RHCE: variants seen among roughly 807,000 people sequenced by gnomAD.
The protein encoded by RHCE is blood group Rh(CE) polypeptide.
A neutral mutation model predicts 43.8 loss-of-function variants in RHCE; 22 were observed. That is an observed-to-expected ratio of 0.50 (90% confidence interval 0.36 to 0.72). RHCE has a LOEUF of 0.72. Ranked by LOEUF, RHCE falls within the 30% of genes least tolerant of loss-of-function variation. The pLI, the probability that RHCE is intolerant of heterozygous loss-of-function variation, is 0.00. For missense variants in RHCE, 385 were observed against 525.4 expected (o/e 0.73, Z 2.61); for synonymous variants, 156 against 210.7 (o/e 0.74, Z 2.25).
intron 3 of RHCE, among the ~76,000 whole-genome samples, chr1:25,392,602 G>T (rs1646412228): frequency 9.5e-6 from 1 of 105,680 alleles, no homozygotes. Context: ...ACAGAGTCTT[G>T]CTCCATTGCT....
intron 1 of RHCE, among the ~76,000 whole-genome samples, chr1:25,414,431 G>A (rs184210542): frequency 1.9e-4 from 29 of 152,172 alleles, no homozygotes; most frequent in Admixed American, 1.9e-3. Flanking sequence ...GACCACTGCA[G>A]CCTCAGGAGG....
At chr1:25,379,472 TATATATATATATATATATATA>T (rs1452978874) in intron 7 of RHCE, among the ~76,000 whole-genome samples, 5 of 7,146 alleles carry the variant, frequency 7.0e-4, no homozygotes, top group African/African-American at 3.6e-3. Context: ...TATATATATA[TATATATATATATATATATATA>T]TATTTTTTTT....
chr1:25,418,697 C>T (rs986937682), intron 1 of RHCE, among the ~76,000 whole-genome samples: 2 of 152,248 alleles, frequency 1.3e-5, no homozygotes, highest in Non-Finnish European at 2.9e-5. Flanking sequence ...CCACTGTGCC[C>T]TCACTTGGAT....
At chr1:25,424,385 T>A (rs2042789532), upstream of RHCE, among the ~76,000 whole-genome samples, 1 of 151,956 alleles carries the variant, frequency 6.6e-6, no homozygotes, top group Non-Finnish European at 1.5e-5. Flanking sequence ...TGACTGCCCT[T>A]TTTTGCTGTG....
chr1:25,403,530 T>C (rs1021149765), intron 2 of RHCE, among the ~76,000 whole-genome samples: 1 of 151,992 alleles, frequency 6.6e-6, no homozygotes, highest in Non-Finnish European at 1.5e-5. Flanking sequence ...TTGAAGGTTC[T>C]TATGATCCAA....
intron 5 of RHCE, among the ~76,000 whole-genome samples, chr1:25,389,911 C>G (rs1464227520): frequency 6.6e-6 from 1 of 152,110 alleles, no homozygotes; most frequent in African/African-American, 2.4e-5. Context: ...GAGCTGACAC[C>G]CACTCCTGCC....
intron 9 of RHCE, among the ~76,000 whole-genome samples, chr1:25,369,751 TTTTG>T: frequency 6.8e-6 from 1 of 147,160 alleles, no homozygotes; most frequent in South Asian, 2.2e-4. Flanking sequence ...TTTTTTTTTT[TTTTG>T]AGACAGAGTG....
upstream of RHCE, among the ~76,000 whole-genome samples, chr1:25,422,897 G>C (rs1375139919): frequency 3.3e-5 from 5 of 152,172 alleles, no homozygotes; most frequent in Non-Finnish European, 5.9e-5. Flanking sequence ...GTTCCCAATA[G>C]GGTTTGTGCC....
At chr1:25,368,749 A>T (rs1645508211) in intron 9 of RHCE, among the ~76,000 whole-genome samples, 1 of 149,848 alleles carries the variant, frequency 6.7e-6, no homozygotes, top group African/African-American at 2.5e-5. Context: ...ACAACACTTT[A>T]AATATGTACA....
At chr1:25,376,528 G>T (rs1365242454) in intron 7 of RHCE, among the ~76,000 whole-genome samples, 1 of 152,156 alleles carries the variant, frequency 6.6e-6, no homozygotes, top group African/African-American at 2.4e-5. Context: ...TTTACTGATT[G>T]TTCATTATAA....
chr1:25,411,393 G>A, intron 1 of RHCE: 2 of 1,550,462 alleles, frequency 1.3e-6, no homozygotes, highest in East Asian at 2.4e-5. Context: ...TCTCATTACT[G>A]GAACTCTCCA....
chr1:25,427,299 C>T (rs1050434831), intron 2 of RHCE, among the ~76,000 whole-genome samples: 12 of 152,182 alleles, frequency 7.9e-5, no homozygotes, highest in Non-Finnish European at 1.6e-4. Context: ...AAGTGCAAAT[C>T]CCTTCATCAG....
At chr1:25,397,611 C>A (rs577136352) in intron 3 of RHCE, among the ~76,000 whole-genome samples, 2 of 152,106 alleles carry the variant, frequency 1.3e-5, no homozygotes, top group African/African-American at 4.8e-5. Flanking sequence ...TTTCTTGCTG[C>A]GGTCTCAGCC....
upstream of RHCE, among the ~76,000 whole-genome samples, chr1:25,425,622 G>A (rs1421772577): frequency 6.6e-6 from 1 of 152,250 alleles, no homozygotes; most frequent in Non-Finnish European, 1.5e-5. Context: ...CCTGAGTTAC[G>A]GAAATGAAGC....
chr1:25,413,754 C>G (rs1647178594), intron 1 of RHCE, among the ~76,000 whole-genome samples: 1 of 152,252 alleles, frequency 6.6e-6, no homozygotes, highest in Non-Finnish European at 1.5e-5. Flanking sequence ...GATTTATTAT[C>G]CCCATTTTAG....
intron 8 of RHCE, among the ~76,000 whole-genome samples, chr1:25,372,975 G>T (rs941881357): frequency 4.0e-5 from 6 of 150,022 alleles, no homozygotes; most frequent in African/African-American, 1.5e-4. Context: ...GCTAATTTTT[G>T]TATCTTTTGT....
At position 25,368,641 on chromosome 1, in the gene RHCE, G is replaced by A. The variant is rs80355789; in HGVS notation, c.1227+1826C>T. 1.6e-4 allele frequency among the ~76,000 whole-genome samples: 24 copies of A among 150,584 alleles called. 2 individuals carry two copies. The highest frequency in any genetic ancestry group is 3.7e-4 in the African/African-American group (15 of 40,330). On this transcript the variant is annotated intron_variant, in intron 9 of 9. Coordinates refer to ENST00000294413, the MANE Select transcript of RHCE (RefSeq NM_020485.8). ...AAAATCTAGCCCCTTCTTTGGGGCC[G>A]AGAGAATTTTGAGCACTAGTCGTCT...
intron 1 of RHCE, among the ~76,000 whole-genome samples, chr1:25,416,993 G>A (rs1647570535): frequency 6.6e-6 from 1 of 150,520 alleles, no homozygotes; most frequent in Admixed American, 6.6e-5. Context: ...ATGACCCTAC[G>A]TGCCCATCTC....
chr1:25,376,560 C>A (rs564693147), intron 7 of RHCE, among the ~76,000 whole-genome samples: 1 of 152,282 alleles, frequency 6.6e-6, no homozygotes, highest in South Asian at 2.1e-4. Flanking sequence ...TAATCACAGT[C>A]CCTACCTCAT....
Sources: allele counts gnomAD v4.1 joint callset (sites outside exome capture counted in the v4.1 genomes callset), GRCh38; gene constraint gnomAD v4.1.1; transcripts MANE v1.5; gene names NCBI Gene and HGNC (gene_info 2026-07-23, HGNC 2026-07-21).